The following F12 variants were observed in gnomAD, a reference collection of about 807,000 sequenced individuals.
F12 encodes Hageman factor.
F12 carries 70 observed loss-of-function variants against 74.8 expected under a neutral mutation model. The observed-to-expected ratio is 0.94, with a 90% CI of 0.77 to 1.14. The LOEUF (loss-of-function observed/expected upper bound fraction) is 1.14, where lower values mean the gene tolerates loss of function less well. Among genes scored for constraint, F12 ranks in the 50% most tolerant of loss-of-function variants. The pLI, the probability that F12 is intolerant of heterozygous loss-of-function variation, is 0.00. For synonymous variants in F12, 373 were observed against 356.4 expected (o/e 1.05, Z -0.52); for missense variants, 811 against 835.7 (o/e 0.97, Z 0.36).
At chr5:177,405,256 C>T in intron 5 of F12, 67 bp downstream of exon 5, 3 of 1,613,448 alleles carry the variant, frequency 1.9e-6, no homozygotes, top group Non-Finnish European at 2.5e-6. Flanking sequence ...ATCCAGCAAC[C>T]TATTCTGTAG....
chr5:177,409,087 G>C lies in F12; in HGVS notation c.74C>G (p.Ala25Gly), dbSNP rs926232985. 5.8e-6 allele frequency: 9 copies of C among 1,551,546 alleles called. No individual in the cohort carries two copies. In the Admixed American group the frequency reaches 9.8e-5, roughly 17 times the overall value. The part of the protein sequence containing the change: ...ESTLSIPPWE[A>G]PKEHKYKAEE... ...AGCTTTGTACTTATGCTCCTTGGGG[G>C]CTTCCCAAGGTGGAATCTACAAGGG... The change falls in exon 2 of 14, where the codon GCC becomes GGC. Residue 25 changes from alanine to glycine, a missense_variant. By Grantham distance (60) the Ala-to-Gly change is moderately conservative. Transcript: ENST00000253496.
At chr5:177,403,720 C>T (rs1238648187) in intron 10 of F12, 103 bp from the exon 11 acceptor site, 3 of 1,515,368 alleles carry the variant, frequency 2.0e-6, no homozygotes, top group African/African-American at 1.4e-5. Flanking sequence ...CAGCTTCCTC[C>T]CCGGGAGCTC....
At chr5:177,405,611 G>T in intron 4 of F12, 124 bp downstream of exon 4, 1 of 1,228,858 alleles carries the variant, frequency 8.1e-7, no homozygotes, top group Non-Finnish European at 1.2e-6. Context: ...ACTTCCAAAG[G>T]GTATTGTGGA....
intron 8 of F12, 32 bp downstream of exon 8, chr5:177,404,467 G>T: frequency 6.3e-7 from 1 of 1,595,884 alleles, no homozygotes; most frequent in Non-Finnish European, 8.5e-7. Flanking sequence ...GAGCCCTGGG[G>T]CGGAGGGGTC....
chr5:177,403,717 C>T lies in F12; in HGVS notation c.1251-100G>A. On this transcript the variant is annotated intron_variant, in intron 10 of 13. Coordinates refer to ENST00000253496, the MANE Select transcript of F12 (RefSeq NM_000505.4). ...AACCCCAATCCCGTGTTCCAGCTTCCTCCCCGGGAGCTCCGGAGGGGCGTG... is the reference window on the plus strand; with the variant it reads ...AACCCCAATCCCGTGTTCCAGCTTCTTCCCCGGGAGCTCCGGAGGGGCGTG... 2.0e-6 allele frequency: 3 copies of T among 1,526,432 alleles called. No individual in the cohort carries two copies. The South Asian group carries it at 3.6e-5, about 18-fold the overall frequency. 94.6% of individuals were successfully genotyped at this position (1,526,432 alleles called of 1,614,324 possible).
Position 177,406,001 on chromosome 5 carries a change from T to C in F12, c.176A>G (p.His59Arg), listed in dbSNP as rs1763281200. The C allele has an allele frequency of 6.2e-7, 1 of 1,613,962 alleles. No individual in the cohort carries two copies. Among genetic ancestry groups the C allele is most frequent in the South Asian group, 1.1e-5 (1 of 91,086 alleles). Residue 59 changes from histidine (H) to arginine (R), a missense_variant, in exon 3 of 14, where the codon CAC (histidine) becomes CGC (arginine). By Grantham distance (29) the His-to-Arg change is conservative (BLOSUM62 0). Coordinates refer to ENST00000253496, the MANE Select transcript of F12 (RefSeq NM_000505.4). The stretch of plus-strand genomic sequence containing the variant: ...TGGCCGGCCCTTGTGGGTACATTTG[T>C]GGTACAGCTGCCGGTGGTACTGGAA... ...FPFQYHRQLY[H>R]KCTHKGRPGP...
chr5:177,405,367 TG>T lies in F12; in HGVS notation c.352del (p.His118ThrfsTer73), dbSNP rs758487283. 2 of 1,613,962 alleles carry T rather than the reference TG, an allele frequency of 1.2e-6. No individual in the cohort carries two copies. Among genetic ancestry groups the T allele is most frequent in the African/African-American group, 2.7e-5 (2 of 74,900 alleles). On this transcript the variant is annotated frameshift_variant, in exon 5 of 14. Transcript: ENST00000253496. LOFTEE classifies it high-confidence loss of function. ...AGTGAGGTGTTGTGGACAGAGACAG[TG>T]GGGGCCGCTTGGCATGTTCACACAG... The part of the protein sequence containing the change: ...GTCVNMPSGP[H>X]CLCPQHLTGN...
intron 4 of F12, 138 bp from the exon 5 acceptor site, chr5:177,405,571 G>C: frequency 1.7e-6 from 2 of 1,188,232 alleles, no homozygotes; most frequent in Admixed American, 2.0e-5. Context: ...TGCAAAATGG[G>C]ACCACTCCTT....
intron 12 of F12, 172 bp downstream of exon 12, chr5:177,403,082 C>G: frequency 1.2e-6 from 1 of 837,616 alleles, no homozygotes; most frequent in East Asian, 2.7e-5. Flanking sequence ...AGCAGTGAAT[C>G]CCAGGCCCTG....
Position 177,404,397 on chromosome 5 carries a change from T to G in F12, c.817A>C (p.Ile273Leu). The G allele has an allele frequency of 6.2e-7, 1 of 1,611,962 alleles. No individual in the cohort carries two copies. The change falls in exon 9 of 14, where the codon ATC becomes CTC. Residue 273 changes from isoleucine to leucine, a missense_variant. Ile to Leu is a conservative substitution (Grantham distance 5). Coordinates refer to ENST00000253496, the MANE Select transcript of F12 (RefSeq NM_000505.4). ...HAFCRNPDND[I>L]RPWCFVLNRD... is the part of the protein sequence containing the mutation. ...TTCAGCACGAAGCACCACGGGCGGA[T>G]GTCGTTGTCCGGGTTCCTGTAGCCA...
At chr5:177,404,774 G>GGGCT in intron 7 of F12, 36 bp downstream of exon 7, 1 of 1,589,522 alleles carries the variant, frequency 6.3e-7, no homozygotes, top group Non-Finnish European at 8.6e-7. Context: ...TCCCACCTGG[G>GGGCT]GGCTGGCCTT....
chr5:177,409,443 G>A, intron 1 of F12, 28 bp downstream of exon 1: 4 of 1,612,846 alleles, frequency 2.5e-6, no homozygotes, highest in Non-Finnish European at 3.4e-6. Context: ...AACAATCCTG[G>A]GACAATCCTG....
In F12 at chr5:177,408,351, G is replaced by A. The variant is rs548431173; in HGVS notation, c.115+695C>T. Among the ~76,000 whole-genome samples the A allele has an allele frequency of 2.6e-5, 4 of 152,328 alleles. No homozygotes were observed. The South Asian group carries it at 8.3e-4, about 32-fold the overall frequency. On this transcript the variant is annotated intron_variant, in intron 2 of 13. Transcript: ENST00000253496. ...TTACAGGCATGAGCCACCATGCCTG[G>A]CATGTAGGTAATTTAGTGTCTGGAA... is the stretch of plus-strand genomic sequence containing the variant.
chr5:177,409,416 T>C, intron 1 of F12, 55 bp downstream of exon 1: 20 of 1,594,668 alleles, frequency 1.3e-5, no homozygotes, highest in Non-Finnish European at 1.5e-5. Context: ...CTCATGGCTG[T>C]GATAGCGACC....
intron 1 of F12, 95 bp downstream of exon 1, chr5:177,409,376 G>A (rs1763354829): frequency 6.9e-7 from 1 of 1,439,852 alleles, no homozygotes; most frequent in Non-Finnish European, 9.7e-7. Context: ...CTAGTCACCT[G>A]GACCCACAGG....
At position 177,404,185 on chromosome 5, in the gene F12, C is replaced by G. The variant is rs570973405; in HGVS notation, c.1018+11G>C. 2.7e-5 allele frequency: 43 copies of G among 1,583,680 alleles called. No individual in the cohort carries two copies. Among genetic ancestry groups the G allele is most frequent in the South Asian group, 1.4e-4 (12 of 88,202 alleles). ...CCTCTCGGCTCCTCCTTCCCCCCCC[C>G]ACTTCCTAACCTCCCGGGGTCTGGG... is the stretch of plus-strand genomic sequence containing the variant. On this transcript the variant is annotated intron_variant, in intron 9 of 13. Coordinates refer to ENST00000253496, the MANE Select transcript of F12 (RefSeq NM_000505.4).
rs372072329 is a variant in F12, at chr5:177,403,882, C to T, written c.1227G>A (p.Thr409=). 107 of 1,564,262 alleles carry T rather than the reference C, an allele frequency of 6.8e-5. No homozygotes were observed. Among genetic ancestry groups the T allele is most frequent in the Admixed American group, 4.6e-4 (25 of 54,194 alleles). The change falls in exon 10 of 14, where the codon ACG becomes ACA. Residue 409 remains threonine, a synonymous_variant. Coordinates refer to ENST00000253496, the MANE Select transcript of F12 (RefSeq NM_000505.4). ...GCCGGTCCTGCAGGCAGTGAGCGGC[C>T]GTCAGCACCCAGCAGGGGGCGATGA... ...GSLIAPCWVL[T]AAHCLQDRPA... is the part of the protein sequence containing the mutation.
chr5:177,402,865 T>TGA (rs1422819348), intron 12 of F12, 167 bp from the exon 13 acceptor site: 6 of 983,088 alleles, frequency 6.1e-6, no homozygotes, highest in African/African-American at 1.6e-5. Context: ...GCAAGGAGGC[T>TGA]GAGGTCCAGA....
chr5:177,405,693 G>A, intron 4 of F12, 42 bp downstream of exon 4: 1 of 1,588,136 alleles, frequency 6.3e-7, no homozygotes, highest in African/African-American at 1.3e-5. Flanking sequence ...AATGAGGCGG[G>A]AGGAGAGAGC....
Sources: allele counts gnomAD v4.1 joint callset (sites outside exome capture counted in the v4.1 genomes callset), GRCh38; gene constraint gnomAD v4.1.1; transcripts MANE v1.5; gene names NCBI Gene and HGNC (gene_info 2026-07-23, HGNC 2026-07-21).